ADGRD1: variants seen among roughly 807,000 people sequenced by gnomAD.
ADGRD1 encodes the protein adhesion G protein-coupled receptor D1.
ADGRD1 carries 77 observed loss-of-function variants against 113.4 expected under a neutral mutation model. That is an observed-to-expected ratio of 0.68 (90% CI 0.57 to 0.82). The LOEUF is 0.82. Among genes scored for constraint, ADGRD1 ranks in the 40% least tolerant of loss-of-function variants. The pLI, the probability that ADGRD1 is intolerant of heterozygous loss-of-function variation, is 0.00. For synonymous variants in ADGRD1, 474 were observed against 475.0 expected, an observed-to-expected ratio of 1.00 and a Z score of 0.03; for missense variants, 1,036 against 1,139.1, an observed-to-expected ratio of 0.91 and a Z score of 1.30.
intron 4 of ADGRD1, chr12:130,981,147 C>A: frequency 6.6e-6 from 1 of 152,298 alleles, no homozygotes; most frequent in Non-Finnish European, 1.5e-5. Flanking sequence ...GGAATGTATC[C>A]TAAAGGCATA....
At position 131,070,651 on chromosome 12, in the gene ADGRD1, G is replaced by A. The variant is rs1273438762; in HGVS notation, c.1474-6150G>A. 7 of 345,630 alleles carry A rather than the reference G, an allele frequency of 2.0e-5. No homozygotes were observed. In the East Asian group the frequency reaches 3.1e-4, roughly 15 times the overall value. 21.4% of individuals were successfully genotyped at this position (345,630 alleles called of 1,614,324 possible). On this transcript the variant is annotated intron_variant, in intron 13 of 24. Coordinates refer to ENST00000261654, the MANE Select transcript of ADGRD1 (RefSeq NM_198827.5). Reference sequence around the variant, plus strand: ...CATCCAGGTGAGAGGAGAGCCAGGTGCGCAGTGAGCAGAGGTGGGAGGAAA... The same window carrying A: ...CATCCAGGTGAGAGGAGAGCCAGGTACGCAGTGAGCAGAGGTGGGAGGAAA...
chr12:131,098,469 T>C (rs1178915182), intron 15 of ADGRD1, among the ~76,000 whole-genome samples: 1 of 151,554 alleles, frequency 6.6e-6, no homozygotes, highest in African/African-American at 2.4e-5. Flanking sequence ...AGGGACATGG[T>C]AGAGGATGGG....
At chr12:131,082,503 C>T (rs2137199109) in intron 14 of ADGRD1, among the ~76,000 whole-genome samples, 1 of 152,318 alleles carries the variant, frequency 6.6e-6, no homozygotes, top group Middle Eastern at 3.4e-3. Flanking sequence ...TATTGTTTAG[C>T]TTACCCTTTG....
intron 2 of ADGRD1, among the ~76,000 whole-genome samples, chr12:130,958,489 C>T (rs1432791910): frequency 6.6e-5 from 10 of 152,200 alleles, no homozygotes; most frequent in Admixed American, 2.6e-4. Flanking sequence ...TGTGAGCCAC[C>T]GCACCCAGCC....
intron 7 of ADGRD1, among the ~76,000 whole-genome samples, chr12:130,991,440 T>C (rs193127395): frequency 6.6e-6 from 1 of 152,294 alleles, no homozygotes; most frequent in East Asian, 1.9e-4. Flanking sequence ...AGAAAAATTC[T>C]TGTCTGGAAT....
intron 15 of ADGRD1, among the ~76,000 whole-genome samples, chr12:131,092,535 C>T (rs1886980786): frequency 6.6e-6 from 1 of 152,022 alleles, no homozygotes; most frequent in African/African-American, 2.4e-5. Context: ...CCACGGTGCG[C>T]TCTTTCTTCC....
chr12:131,011,946 G>A (rs1445108473), intron 12 of ADGRD1, among the ~76,000 whole-genome samples: 3 of 152,174 alleles, frequency 2.0e-5, no homozygotes, highest in African/African-American at 4.8e-5. Flanking sequence ...GCTGGGCGCC[G>A]CGGGGCTTTG....
At chr12:131,061,368 G>C (rs1326612722) in intron 13 of ADGRD1, among the ~76,000 whole-genome samples, 1 of 152,194 alleles carries the variant, frequency 6.6e-6, no homozygotes, top group Non-Finnish European at 1.5e-5. Flanking sequence ...TGACTTCCCT[G>C]TTCCTGTGCA....
At chr12:131,053,344 TTTA>T (rs1432546742) in intron 13 of ADGRD1, among the ~76,000 whole-genome samples, 7 of 152,264 alleles carry the variant, frequency 4.6e-5, no homozygotes, top group Non-Finnish European at 1.5e-5. Context: ...TTGTCAATGT[TTTA>T]TTTTCTTGGA....
chr12:130,998,814 A>G (rs1378097653), intron 8 of ADGRD1, among the ~76,000 whole-genome samples: 1 of 152,178 alleles, frequency 6.6e-6, no homozygotes, highest in Non-Finnish European at 1.5e-5. Context: ...GTCCACTAGC[A>G]GCTGGACGGG....
chr12:131,066,060 C>A (rs1224276366), intron 13 of ADGRD1, among the ~76,000 whole-genome samples: 1 of 152,150 alleles, frequency 6.6e-6, no homozygotes, highest in Non-Finnish European at 1.5e-5. Context: ...AGCCCCAGGG[C>A]CGGGCCAGGG....
At chr12:131,118,341 G>A (rs752310390) in intron 18 of ADGRD1, 44 bp from the exon 19 acceptor site, 6 of 1,501,500 alleles carry the variant, frequency 4.0e-6, no homozygotes, top group Non-Finnish European at 5.5e-6. Flanking sequence ...AGGGAGGGAA[G>A]AAAACTGGAG....
intron 21 of ADGRD1, among the ~76,000 whole-genome samples, chr12:131,134,793 ATCATTCAT>A (rs374557019): frequency 4.6e-5 from 7 of 152,164 alleles, no homozygotes; most frequent in African/African-American, 7.2e-5. Flanking sequence ...CCACTTGTTC[ATCATTCAT>A]TCATTCATTC....
chr12:131,059,232 G>A (rs555654867), intron 13 of ADGRD1, among the ~76,000 whole-genome samples: 1 of 152,234 alleles, frequency 6.6e-6, no homozygotes, highest in Non-Finnish European at 1.5e-5. Context: ...CTGGAGTATA[G>A]TGACGCCATC....
At chr12:130,990,467 T>G (rs61693402) in intron 6 of ADGRD1, 1 of 152,482 alleles carries the variant, frequency 6.6e-6, no homozygotes, top group Non-Finnish European at 1.5e-5. Flanking sequence ...CTTCATTGTT[T>G]GTAATAATTC....
At chr12:131,095,518 CT>C (rs1887215907) in intron 15 of ADGRD1, among the ~76,000 whole-genome samples, 1 of 152,200 alleles carries the variant, frequency 6.6e-6, no homozygotes, top group Admixed American at 6.5e-5. Flanking sequence ...GGGGGATCTT[CT>C]TTCGGGGCTA....
chr12:131,002,615 G>C, intron 9 of ADGRD1: 10 of 1,063,654 alleles, frequency 9.4e-6, no homozygotes, highest in Non-Finnish European at 1.1e-5. Flanking sequence ...CTGCTTTCTT[G>C]GGGGCAGTGT....
chr12:131,003,870 G>A lies in ADGRD1; in HGVS notation c.1145-316G>A, dbSNP rs535207558. Among the ~76,000 whole-genome samples the A allele has an allele frequency of 6.6e-6, 1 of 152,308 alleles. No individual in the cohort carries two copies. The highest frequency in any genetic ancestry group is 1.5e-5 in the Non-Finnish European group (1 of 68,030). ...CGCTTGGGGAGGAGCCGATGTCACC[G>A]CATCGCTGAGCACAGCCCATCCTTG... On this transcript the variant is annotated intron_variant, in intron 10 of 24. Transcript: ENST00000261654. This position sits in a 1 kb window ranked among gnomAD's most constrained non-coding sequence, Gnocchi z 4.8.
At chr12:131,095,887 GA>G (rs1887244382) in intron 15 of ADGRD1, among the ~76,000 whole-genome samples, 1 of 152,242 alleles carries the variant, frequency 6.6e-6, no homozygotes, top group Non-Finnish European at 1.5e-5. Context: ...TCAGGAGACA[GA>G]GGGGTTCTGT....
Sources: allele counts gnomAD v4.1 joint callset (sites outside exome capture counted in the v4.1 genomes callset), GRCh38; gene constraint gnomAD v4.1.1; non-coding constraint Gnocchi (gnomAD v3.1); transcripts MANE v1.5; gene names NCBI Gene and HGNC (gene_info 2026-07-23, HGNC 2026-07-21).